LRRC38: variants seen among roughly 807,000 people sequenced by gnomAD.
LRRC38 encodes the protein leucine rich repeat containing 38.
Under a neutral mutation model 16.4 loss-of-function variants are expected in LRRC38, and 5 were observed. The observed-to-expected ratio is 0.31, with a 90% CI of 0.16 to 0.64. The LOEUF is 0.64. LRRC38 is among the 30% of genes least tolerant of loss of function. The pLI, the probability that LRRC38 is intolerant of heterozygous loss-of-function variation, is 0.80. For synonymous variants in LRRC38, 191 were observed against 190.2 expected (o/e 1.00, Z -0.04); for missense variants, 341 against 401.8 (o/e 0.85, Z 1.29).
At chr1:13,499,185 G>A (rs949166856) in intron 1 of LRRC38, among the ~76,000 whole-genome samples, 13 of 151,938 alleles carry the variant, frequency 8.6e-5, no homozygotes, top group East Asian at 7.7e-4. Context: ...TGCAACTTCC[G>A]CCTCCCAGGT....
intron 1 of LRRC38, among the ~76,000 whole-genome samples, chr1:13,488,013 T>TTTTC (rs1244566896): frequency 6.7e-6 from 1 of 148,720 alleles, no homozygotes; most frequent in East Asian, 1.9e-4. Flanking sequence ...GGCTTATACC[T>TTTTC]TTTCTAGATT....
At chr1:13,482,365 G>T (rs770965745) in intron 1 of LRRC38, among the ~76,000 whole-genome samples, 1 of 151,856 alleles carries the variant, frequency 6.6e-6, no homozygotes, top group African/African-American at 2.4e-5. Flanking sequence ...TCGCCTGAAT[G>T]CAGGAGTTCA....
chr1:13,512,927 C>CCACCCCCCA, intron 1 of LRRC38, 36 bp downstream of exon 1: 1 of 1,333,536 alleles, frequency 7.5e-7, no homozygotes, highest in Non-Finnish European at 1.0e-6. Flanking sequence ...CCCTGCCCCC[C>CCACCCCCCA]TCCCTCCCTC....
intron 1 of LRRC38, among the ~76,000 whole-genome samples, chr1:13,484,432 T>C (rs574715568): frequency 9.4e-4 from 143 of 152,320 alleles, no homozygotes; most frequent in African/African-American, 3.1e-3. Flanking sequence ...CTGTAAGTGA[T>C]ATTTTTGAAT....
chr1:13,513,234 G>A lies in LRRC38; in HGVS notation c.360C>T (p.Gly120=). The part of the protein sequence containing the change: ...DLSYNNLTQL[G]AGAFRSAGRL... ...TCCCGGCCGAGCGGAAGGCGCCGGC[G>A]CCCAGCTGGGTCAAGTTGTTGTAGC... The change falls in exon 1 of 2, where the codon GGC becomes GGT. Residue 120 remains glycine (G), a synonymous_variant. Coordinates refer to ENST00000376085, the MANE Select transcript of LRRC38 (RefSeq NM_001010847.2). 7 of 1,550,422 alleles carry A rather than the reference G, an allele frequency of 4.5e-6. No homozygotes were observed. The highest frequency in any genetic ancestry group is 6.1e-6 in the Non-Finnish European group (7 of 1,146,958).
intron 1 of LRRC38, among the ~76,000 whole-genome samples, chr1:13,482,582 A>C (rs200035829): frequency 2.2e-5 from 1 of 45,462 alleles, no homozygotes. Flanking sequence ...TCCATCTCGG[A>C]AAAAAAAAAA....
chr1:13,495,172 G>C (rs1456284132), intron 1 of LRRC38, among the ~76,000 whole-genome samples: 3 of 152,220 alleles, frequency 2.0e-5, no homozygotes, highest in Non-Finnish European at 4.4e-5. Flanking sequence ...ACGAAGGAAA[G>C]AATGAGGATG....
intron 1 of LRRC38, among the ~76,000 whole-genome samples, chr1:13,485,325 C>A (rs574188691): frequency 5.0e-4 from 75 of 149,098 alleles, no homozygotes; most frequent in Non-Finnish European, 7.2e-4. Flanking sequence ...CGCCTGTAAT[C>A]CCAGCACTTT....
chr1:13,513,685 G>A lies in LRRC38; in HGVS notation c.-92C>T. 1.1e-6 allele frequency: 1 copy of A among 897,090 alleles called. No homozygotes were observed. The highest frequency in any genetic ancestry group is 1.3e-6 in the Non-Finnish European group (1 of 744,072). 55.6% of individuals were successfully genotyped at this position (897,090 alleles called of 1,614,324 possible). A position where few individuals can be genotyped will look rare whatever the true frequency, so the allele number is the denominator to read the frequency against. On this transcript the variant is annotated 5_prime_UTR_variant, in exon 1 of 2. Coordinates refer to ENST00000376085, the MANE Select transcript of LRRC38 (RefSeq NM_001010847.2). ...CGGCGCGGTGAGGCACTGGCTGCCG[G>A]GCGCGGGGAGCCAGAGGGCGGCCCG...
intron 1 of LRRC38, among the ~76,000 whole-genome samples, chr1:13,505,671 G>A (rs931893798): frequency 1.3e-5 from 2 of 152,174 alleles, no homozygotes; most frequent in South Asian, 2.1e-4. Flanking sequence ...ATGTTACGAC[G>A]TAACTACAAC....
intron 1 of LRRC38, among the ~76,000 whole-genome samples, chr1:13,489,943 G>A (rs1001690312): frequency 9.2e-5 from 14 of 152,152 alleles, no homozygotes; most frequent in African/African-American, 3.4e-4. Context: ...AGTGTGTCCT[G>A]TAGAAGGGGC....
At chr1:13,503,217 T>C (rs545581805) in intron 1 of LRRC38, among the ~76,000 whole-genome samples, 1 of 152,318 alleles carries the variant, frequency 6.6e-6, no homozygotes, top group South Asian at 2.1e-4. Flanking sequence ...GGGAGGAACA[T>C]GTTTTGGAGT....
At chr1:13,478,432 C>G (rs928352134) in intron 1 of LRRC38, among the ~76,000 whole-genome samples, 1 of 152,194 alleles carries the variant, frequency 6.6e-6, no homozygotes, top group Admixed American at 6.5e-5. Context: ...GGATTTGAAC[C>G]CAGCCATTTG....
At position 13,499,722 on chromosome 1, in the gene LRRC38, A is replaced by T. The variant is rs76507462; in HGVS notation, c.631+13241T>A. Among the ~76,000 whole-genome samples, 674 of 152,292 alleles carry T rather than the reference A, an allele frequency of 4.4e-3. 7 individuals carry two copies. The highest frequency in any genetic ancestry group is 0.015 in the African/African-American group (628 of 41,566). Reference sequence around the variant, plus strand: ...CTCACGGCCCCAGCCTGAAAAGATAAGGGGAGCAGGCAGTTAGTTACATGA... The same window carrying T: ...CTCACGGCCCCAGCCTGAAAAGATATGGGGAGCAGGCAGTTAGTTACATGA... On this transcript the variant is annotated intron_variant, in intron 1 of 1. Transcript: ENST00000376085.
intron 1 of LRRC38, among the ~76,000 whole-genome samples, chr1:13,491,980 C>G (rs1569923079): frequency 6.6e-6 from 1 of 152,180 alleles, no homozygotes; most frequent in South Asian, 2.1e-4. Flanking sequence ...CCGGCCAAAT[C>G]TTAGCCATTT....
chr1:13,488,357 C>T (rs987671940), intron 1 of LRRC38, among the ~76,000 whole-genome samples: 7 of 150,680 alleles, frequency 4.6e-5, no homozygotes, highest in South Asian at 2.1e-4. Context: ...CTGCAACCTC[C>T]GCCTCCTGGG....
rs1457285270 is a variant in LRRC38 at position 13,475,699 on chromosome 1, G to C, written c.*147C>G. ...ACTCTGAGATCAGTGGTCCCAGCAG[G>C]TGTACCCAGGGGCCAAGACACGGAA... On this transcript the variant is annotated 3_prime_UTR_variant, in exon 2 of 2. Transcript: ENST00000376085. This position sits in a 1 kb window ranked among gnomAD's most constrained non-coding sequence, Gnocchi z 4.3. 5 of 975,906 alleles carry C rather than the reference G, an allele frequency of 5.1e-6. No individual in the cohort carries two copies. In the Admixed American group the frequency reaches 1.4e-4, roughly 27 times the overall value. The allele number at this position is 975,906 out of a possible 1,614,324, so 60.5% of individuals were successfully genotyped here. A position where few individuals can be genotyped will look rare whatever the true frequency, so the allele number is the denominator to read the frequency against.
Position 13,478,611 on chromosome 1 carries a change from T to C in LRRC38, c.632-2512A>G, listed in dbSNP as rs920364535. 3.3e-5 allele frequency among the ~76,000 whole-genome samples: 5 copies of C among 152,210 alleles called. No homozygotes were observed. The East Asian group carries it at 9.6e-4, about 29-fold the overall frequency. On this transcript the variant is annotated intron_variant, in intron 1 of 1. Coordinates refer to ENST00000376085, the MANE Select transcript of LRRC38 (RefSeq NM_001010847.2). ...GGAAAACCTTCACCTCCTCTCTTTT[T>C]TGGTGCTTCCAGGTTTCAAAAGGCT...
intron 1 of LRRC38, among the ~76,000 whole-genome samples, chr1:13,505,189 AGAG>A (rs1251871366): frequency 6.6e-6 from 1 of 152,236 alleles, no homozygotes; most frequent in Non-Finnish European, 1.5e-5. Flanking sequence ...TGTGCTTAGC[AGAG>A]GAGGGAAGAA....
Sources: allele counts gnomAD v4.1 joint callset (sites outside exome capture counted in the v4.1 genomes callset), GRCh38; gene constraint gnomAD v4.1.1; non-coding constraint Gnocchi (gnomAD v3.1); transcripts MANE v1.5; gene names NCBI Gene and HGNC (gene_info 2026-07-23, HGNC 2026-07-21).